The following COQ6 variants were observed in gnomAD, a reference collection of about 807,000 sequenced individuals.
COQ6 encodes the protein ubiquinone biosynthesis monooxygenase COQ6, mitochondrial.
COQ6 carries 45 observed loss-of-function variants against 55.5 expected under a neutral mutation model. The ratio of observed to expected loss-of-function variants is 0.81; its 90% CI spans 0.64 to 1.04. The LOEUF (loss-of-function observed/expected upper bound fraction) is 1.04. Ranked by LOEUF, COQ6 falls within the 50% of genes least tolerant of loss-of-function variation. The pLI is 0.00. For missense variants in COQ6, 550 were observed against 601.3 expected, an observed-to-expected ratio of 0.91 and a Z score of 0.89; for synonymous variants, 206 against 230.5, an observed-to-expected ratio of 0.89 and a Z score of 0.96.
rs1486108830 is a variant in COQ6, at chr14:73,958,475, C to T, written c.612+198C>T. 16 of 1,416,110 alleles carry T rather than the reference C, an allele frequency of 1.1e-5. No individual in the cohort carries two copies. The Admixed American group carries it at 3.0e-4, about 27-fold the overall frequency. The allele number at this position is 1,416,110 out of a possible 1,614,324, so 87.7% of individuals were successfully genotyped here. On this transcript the variant is annotated intron_variant, in intron 5 of 11. Transcript: ENST00000334571. ...CTGTACAGGGAGCAATCTCATGGGC[C>T]GTCTTAGGTTGTGAAATAACAGATA...
In COQ6 at chr14:73,958,145, A is replaced by G. The variant is rs753104462; in HGVS notation, c.482-2A>G. Reference sequence around the variant, plus strand: ...TTTTTTCCTCTCTTTTGACCTCCCCAGACCGAGTGACGGTTCTCTACAGGA... The same window carrying G: ...TTTTTTCCTCTCTTTTGACCTCCCCGGACCGAGTGACGGTTCTCTACAGGA... On this transcript the variant is annotated splice_acceptor_variant, in intron 4 of 11. Transcript: ENST00000334571. LOFTEE classifies it high-confidence loss of function. 19 of 1,613,692 alleles carry G rather than the reference A, an allele frequency of 1.2e-5. No homozygotes were observed. The highest frequency in any genetic ancestry group is 1.6e-5 in the Non-Finnish European group (19 of 1,179,844).
In COQ6 at chr14:73,959,086, C is replaced by T; in HGVS notation, c.720+8C>T. Reference sequence around the variant, plus strand: ...ACTCTGCATTTATCAGAGGTAAGATCCTGAGCTGCCATCTGGGGACTTTAT... The same window carrying T: ...ACTCTGCATTTATCAGAGGTAAGATTCTGAGCTGCCATCTGGGGACTTTAT... On this transcript the variant is annotated splice_region_variant and intron_variant, in intron 6 of 11. Coordinates refer to ENST00000334571, the MANE Select transcript of COQ6 (RefSeq NM_182476.3). The T allele has an allele frequency of 6.2e-7, 1 of 1,614,120 alleles. No individual in the cohort carries two copies. Among genetic ancestry groups the T allele is most frequent in the Middle Eastern group, 1.7e-4 (1 of 6,060 alleles).
intron 3 of COQ6, 71 bp downstream of exon 3, chr14:73,955,580 C>A (rs1256511119): frequency 2.0e-6 from 3 of 1,478,932 alleles, no homozygotes; most frequent in South Asian, 1.1e-5. Flanking sequence ...CCACTTTCTC[C>A]AAGTGTTCTG....
intron 11 of COQ6, among the ~76,000 whole-genome samples, chr14:73,962,138 G>A (rs1405778847): frequency 6.6e-6 from 1 of 151,666 alleles, no homozygotes; most frequent in African/African-American, 2.4e-5. Context: ...AGTAGAGATG[G>A]GGTTTCACCA....
At chr14:73,951,272 C>T (rs1051032053) in intron 1 of COQ6, among the ~76,000 whole-genome samples, 2 of 151,132 alleles carry the variant, frequency 1.3e-5, no homozygotes, top group Non-Finnish European at 3.0e-5. Context: ...CTGGGATTAC[C>T]GGCATAAGCA....
rs895506122 is a variant in COQ6 at position 73,959,051 on chromosome 14, T to C, written c.693T>C (p.Ala231=). The change falls in exon 6 of 12, where the codon GCT becomes GCC. Residue 231 remains alanine (A), a synonymous_variant. Transcript: ENST00000334571. The part of the protein sequence containing the change: ...QNVSWNYDQS[A]VVATLHLSEA... The stretch of plus-strand genomic sequence containing the variant: ...TGAGCTGGAACTATGACCAGTCTGC[T>C]GTTGTGGCTACTCTGCATTTATCAG... 4.3e-6 allele frequency: 7 copies of C among 1,614,110 alleles called. No individual in the cohort carries two copies. In the African/African-American group the frequency reaches 9.3e-5, roughly 22 times the overall value.
intron 5 of COQ6, chr14:73,958,758 C>G (rs2056564370): frequency 6.9e-7 from 1 of 1,457,514 alleles, no homozygotes; most frequent in African/African-American, 1.4e-5. Context: ...TGGCTGGCAC[C>G]TGTTCAGTCA....
chr14:73,953,662 A>T, intron 2 of COQ6, 93 bp downstream of exon 2: 1 of 1,541,636 alleles, frequency 6.5e-7, no homozygotes, highest in Non-Finnish European at 9.0e-7. Flanking sequence ...AGCATCTGAC[A>T]AGGAGGGAGC....
At chr14:73,961,412 C>G in intron 9 of COQ6, 37 bp downstream of exon 9, 4 of 1,614,100 alleles carry the variant, frequency 2.5e-6, no homozygotes, top group Non-Finnish European at 3.4e-6. Flanking sequence ...TCCCTTCTCA[C>G]TTTGCTGCCA....
chr14:73,952,795 C>G (rs1349374254), intron 1 of COQ6, among the ~76,000 whole-genome samples: 1 of 152,140 alleles, frequency 6.6e-6, no homozygotes, highest in East Asian at 1.9e-4. Context: ...CCTGCCTCAG[C>G]CTCCCAAGTA....
intron 2 of COQ6, among the ~76,000 whole-genome samples, chr14:73,955,109 C>A (rs1333690945): frequency 6.6e-6 from 1 of 151,312 alleles, no homozygotes; most frequent in Non-Finnish European, 1.5e-5. Flanking sequence ...CCCGCCACCA[C>A]GCCCAGCTGA....
chr14:73,952,382 A>G (rs895327655), intron 1 of COQ6, among the ~76,000 whole-genome samples: 3 of 151,726 alleles, frequency 2.0e-5, no homozygotes, highest in Admixed American at 6.6e-5. Context: ...TCAGTCTCCC[A>G]AAGTGCTGGG....
At position 73,953,544 on chromosome 14, in the gene COQ6, C is replaced by T. The variant is rs2056281187; in HGVS notation, c.273C>T (p.Ser91=). The T allele has an allele frequency of 6.2e-7, 1 of 1,614,152 alleles. No individual in the cohort carries two copies. Among genetic ancestry groups the T allele is most frequent in the South Asian group, 1.1e-5 (1 of 91,086 alleles). Reference sequence around the variant, plus strand: ...ACAGCAACAGGGTCAGCTCCATTTCCCCTGGCTCTGCAACGCTTCTCAGTA... The same window carrying T: ...ACAGCAACAGGGTCAGCTCCATTTCTCCTGGCTCTGCAACGCTTCTCAGTA... ...ETYSNRVSSI[S]PGSATLLSSF... is the part of the protein sequence containing the mutation. The change falls in exon 2 of 12, where the codon TCC becomes TCT. Residue 91 remains serine (S), a synonymous_variant. Coordinates refer to ENST00000334571, the MANE Select transcript of COQ6 (RefSeq NM_182476.3).
intron 4 of COQ6, among the ~76,000 whole-genome samples, chr14:73,957,101 A>T (rs4903160): frequency 0.22 from 31,027 of 143,120 alleles, 3,706 homozygotes; most frequent in East Asian, 0.5. Context: ...TATTATTATT[A>T]TTTTTTTTTT....
chr14:73,950,565 C>A lies in COQ6; in HGVS notation c.163+70C>A, dbSNP rs898048344. ...GAGGCACGATGAGAGCCGTGAGAGCCCTAGCACGACTTGCCCAAAGACAAT... is the reference window on the plus strand; with the variant it reads ...GAGGCACGATGAGAGCCGTGAGAGCACTAGCACGACTTGCCCAAAGACAAT... On this transcript the variant is annotated intron_variant, in intron 1 of 11. Coordinates refer to ENST00000334571, the MANE Select transcript of COQ6 (RefSeq NM_182476.3). 2.0e-6 allele frequency: 3 copies of A among 1,525,210 alleles called. No individual in the cohort carries two copies. In the Admixed American group the frequency reaches 6.1e-5, roughly 31 times the overall value. The allele number at this position is 1,525,210 out of a possible 1,614,324, so 94.5% of individuals were successfully genotyped here.
At chr14:73,962,638 G>C (rs779250732) in intron 11 of COQ6, 10 of 249,106 alleles carry the variant, frequency 4.0e-5, no homozygotes, top group Non-Finnish European at 7.7e-5. Context: ...TTTCATCCCT[G>C]AGAACTTCCA....
chr14:73,961,499 A>C lies in COQ6; in HGVS notation c.1139A>C (p.Asn380Thr). 1.9e-6 allele frequency: 3 copies of C among 1,614,230 alleles called. No homozygotes were observed. The highest frequency in any genetic ancestry group is 2.5e-6 in the Non-Finnish European group (3 of 1,180,050). ...RVHPLAGQGV[N>T]MGFGDISSLA... ...CATCCGCTTGCAGGACAGGGTGTCA[A>C]CATGGGCTTTGGGGATATCTCCAGC... Residue 380 changes from asparagine to threonine, a missense_variant, in exon 10 of 12, where the codon AAC (asparagine) becomes ACC (threonine). Physicochemically the swap from Asn to Thr is moderately conservative, Grantham distance 65 (BLOSUM62 0). Transcript: ENST00000334571.
chr14:73,958,271 A>C lies in COQ6; in HGVS notation c.606A>C (p.Lys202Asn), dbSNP rs2056539239. Residue 202 changes from lysine (K) to asparagine (N), a missense_variant, in exon 5 of 12, where the codon AAA (lysine) becomes AAC (asparagine). Coordinates refer to ENST00000334571, the MANE Select transcript of COQ6 (RefSeq NM_182476.3). ...GTGATGGCAGCACCTTCCAGACCAA[A>C]TTGTTGGTAGTTGAAGATTCTTATT... ...TLGDGSTFQT[K>N]LLIGADGHNS... is the part of the protein sequence containing the mutation. The C allele has an allele frequency of 6.2e-7, 1 of 1,613,922 alleles. No homozygotes were observed. Among genetic ancestry groups the C allele is most frequent in the Non-Finnish European group, 8.5e-7 (1 of 1,179,884 alleles).
In COQ6 at chr14:73,955,502, G is replaced by C; in HGVS notation, c.350G>C (p.Arg117Pro). The C allele has an allele frequency of 6.2e-7, 1 of 1,613,916 alleles. No individual in the cohort carries two copies. Among genetic ancestry groups the C allele is most frequent in the Non-Finnish European group, 8.5e-7 (1 of 1,179,806 alleles). Residue 117 changes from arginine to proline, a missense_variant, in exon 3 of 12, where the codon CGA becomes CCA. By Grantham distance (103) the Arg-to-Pro change is moderately radical. Transcript: ENST00000334571. ...AACATGAGATACAGAGCCTTTCGGC[G>C]AATGCAGGTGCCCCTTTATCTTTTC... ...ICNMRYRAFR[R>P]MQVWDACSEA...
Sources: allele counts gnomAD v4.1 joint callset (sites outside exome capture counted in the v4.1 genomes callset), GRCh38; gene constraint gnomAD v4.1.1; transcripts MANE v1.5; gene names NCBI Gene and HGNC (gene_info 2026-07-23, HGNC 2026-07-21).